FHIT: variants seen among roughly 807,000 people sequenced by gnomAD.
FHIT encodes the protein fragile histidine triad diadenosine triphosphatase.
A neutral mutation model predicts 17.9 loss-of-function variants in FHIT; 19 were observed. The observed-to-expected ratio is 1.06, with a 90% confidence interval of 0.74 to 1.56. The LOEUF is 1.56. Among genes scored for constraint, FHIT ranks in the 40% most tolerant of loss-of-function variants. FHIT has a pLI of 0.00. For synonymous variants in FHIT, 81 were observed against 69.7 expected (o/e 1.16, Z -0.81); for missense variants, 248 against 189.2 (o/e 1.31, Z -1.82).
chr3:59,903,609 C>T (rs78681226), intron 8 of FHIT, among the ~76,000 whole-genome samples: 1 of 152,076 alleles, frequency 6.6e-6, no homozygotes, highest in African/African-American at 2.4e-5. Context: ...TTAAAATACT[C>T]AAACATATGT....
rs570149614 is a variant in FHIT, at chr3:60,127,513, C to G, written c.104-113361G>C. ...AACTCCCCATGATATGAACCTCATT[C>G]ATATTCAACAAGTTTACATACTAAG... On this transcript the variant is annotated intron_variant, in intron 5 of 9. Transcript: ENST00000492590. Among the ~76,000 whole-genome samples, 9 of 152,276 alleles carry G rather than the reference C, an allele frequency of 5.9e-5. No individual in the cohort carries two copies. In the South Asian group the frequency reaches 6.2e-4, roughly 11 times the overall value.
rs141236294 is a variant in FHIT at position 60,580,792 on chromosome 3, C to T, written c.-17-43813G>A. Among the ~76,000 whole-genome samples, 14 of 152,158 alleles carry T rather than the reference C, an allele frequency of 9.2e-5. No homozygotes were observed. In the East Asian group the frequency reaches 2.7e-3, roughly 29 times the overall value. The stretch of plus-strand genomic sequence containing the variant: ...GACAATTCCTATCAATTAGTTGAGG[C>T]TGTCTGGAGTAATTAGGCAGGACGC... On this transcript the variant is annotated intron_variant, in intron 4 of 9. Coordinates refer to ENST00000492590, the MANE Select transcript of FHIT (RefSeq NM_002012.4).
At chr3:60,233,362 C>T (rs934898336) in intron 5 of FHIT, among the ~76,000 whole-genome samples, 2 of 152,108 alleles carry the variant, frequency 1.3e-5, no homozygotes, top group Non-Finnish European at 2.9e-5. Flanking sequence ...CCCTTTGCCA[C>T]CATAGGACCT....
At chr3:59,937,855 A>T (rs986178706) in intron 7 of FHIT, among the ~76,000 whole-genome samples, 5 of 152,162 alleles carry the variant, frequency 3.3e-5, no homozygotes, top group Non-Finnish European at 7.4e-5. Context: ...GCTTCTTGAC[A>T]TTCCTGAATT....
intron 3 of FHIT, among the ~76,000 whole-genome samples, chr3:60,968,284 C>T (rs1709844474): frequency 6.6e-6 from 1 of 152,060 alleles, no homozygotes; most frequent in Non-Finnish European, 1.5e-5. Context: ...CAGATTCTTG[C>T]CCATCACAAG....
intron 5 of FHIT, among the ~76,000 whole-genome samples, chr3:60,527,148 G>A (rs965815223): frequency 6.6e-6 from 1 of 152,110 alleles, no homozygotes; most frequent in African/African-American, 2.4e-5. Flanking sequence ...CTGCACTCCT[G>A]AACTTCAATT....
chr3:61,191,577 A>T (rs779536536), intron 2 of FHIT, among the ~76,000 whole-genome samples: 1 of 152,218 alleles, frequency 6.6e-6, no homozygotes, highest in Non-Finnish European at 1.5e-5. Context: ...GACTAGTATA[A>T]GCCCCAGTTT....
intron 4 of FHIT, among the ~76,000 whole-genome samples, chr3:60,562,173 GTC>G (rs1316409960): frequency 6.6e-6 from 1 of 152,144 alleles, no homozygotes; most frequent in Non-Finnish European, 1.5e-5. Context: ...TTATTTATCT[GTC>G]TTATAATTAA....
intron 5 of FHIT, among the ~76,000 whole-genome samples, chr3:60,226,483 A>AAAAAAAAAAAC (rs1704208320): frequency 6.6e-6 from 1 of 151,162 alleles, no homozygotes; most frequent in Non-Finnish European, 1.5e-5. Context: ...AAAAAAAAAA[A>AAAAAAAAAAAC]AAAAAAAAAA....
At chr3:60,411,146 T>C (rs1315378648) in intron 5 of FHIT, among the ~76,000 whole-genome samples, 1 of 152,140 alleles carries the variant, frequency 6.6e-6, no homozygotes. Flanking sequence ...CGATCTAAGA[T>C]TCAAGCACCC....
At chr3:60,287,376 C>T (rs1367458794) in intron 5 of FHIT, among the ~76,000 whole-genome samples, 1 of 152,042 alleles carries the variant, frequency 6.6e-6, no homozygotes, top group African/African-American at 2.4e-5. Flanking sequence ...ACCATGTTAG[C>T]CAGGCTGGTC....
intron 5 of FHIT, among the ~76,000 whole-genome samples, chr3:60,100,594 T>C (rs948534565): frequency 6.6e-6 from 1 of 152,086 alleles, no homozygotes; most frequent in South Asian, 2.1e-4. Flanking sequence ...TCCAGTCCCA[T>C]CATTCCAGAA....
intron 2 of FHIT, among the ~76,000 whole-genome samples, chr3:61,103,801 T>C (rs1001857205): frequency 5.9e-5 from 9 of 152,222 alleles, no homozygotes; most frequent in African/African-American, 1.9e-4. Flanking sequence ...TCCTTTGCCA[T>C]TATGTAATGG....
Position 60,754,313 on chromosome 3 carries a change from A to G in FHIT, c.-18+67606T>C, listed in dbSNP as rs902967707. Among the ~76,000 whole-genome samples, 3 of 152,192 alleles carry G rather than the reference A, an allele frequency of 2.0e-5. No homozygotes were observed. In the East Asian group the frequency reaches 5.8e-4, roughly 29 times the overall value. On this transcript the variant is annotated intron_variant, in intron 4 of 9. Coordinates refer to ENST00000492590, the MANE Select transcript of FHIT (RefSeq NM_002012.4). ...CTCATTGATGCAATGTTATCCTGAT[A>G]GTGGCTTTTCAGAGATATCATCTTA...
chr3:60,709,257 G>C (rs1482949339), intron 4 of FHIT, among the ~76,000 whole-genome samples: 1 of 152,170 alleles, frequency 6.6e-6, no homozygotes, highest in Non-Finnish European at 1.5e-5. Flanking sequence ...AGTGAGAAGA[G>C]TGGCATTGTC....
At chr3:60,941,275 A>G (rs1408211126) in intron 3 of FHIT, among the ~76,000 whole-genome samples, 8 of 152,136 alleles carry the variant, frequency 5.3e-5, no homozygotes, top group Admixed American at 5.2e-4. Context: ...CTCCCTCTTC[A>G]TGAACTGGTC....
chr3:60,875,419 C>A (rs1279381622), intron 3 of FHIT, among the ~76,000 whole-genome samples: 3 of 152,274 alleles, frequency 2.0e-5, no homozygotes, highest in East Asian at 1.9e-4. Context: ...CAAGTTAGTT[C>A]TGTCAAACCC....
At chr3:59,781,127 G>A (rs1156672290) in intron 8 of FHIT, among the ~76,000 whole-genome samples, 2 of 152,128 alleles carry the variant, frequency 1.3e-5, no homozygotes, top group African/African-American at 2.4e-5. Context: ...GATCTTGAAG[G>A]CATTGGTGGG....
At chr3:60,044,187 T>G (rs910268310) in intron 5 of FHIT, among the ~76,000 whole-genome samples, 2 of 152,180 alleles carry the variant, frequency 1.3e-5, no homozygotes, top group African/African-American at 4.8e-5. Context: ...CAGGAAAACA[T>G]GGGTTTGCTG....
Sources: gnomAD v4.1 joint callset for allele counts (sites outside exome capture counted in the v4.1 genomes callset) on GRCh38, gnomAD v4.1.1 for gene constraint, MANE v1.5 for transcripts, NCBI Gene and HGNC (gene_info 2026-07-23, HGNC 2026-07-21) for gene names.